The following CCDC27 variants were observed in gnomAD, a reference collection of about 807,000 sequenced individuals.
The protein encoded by CCDC27 is coiled-coil domain containing 27, also known as coiled-coil domain-containing protein 27.
A neutral mutation model predicts 80.3 loss-of-function variants in CCDC27; 80 were observed. That is an observed-to-expected ratio of 1.00 (90% CI 0.83 to 1.20). CCDC27 has a LOEUF of 1.20. CCDC27 is among the 50% of genes most tolerant of loss of function. The pLI, the probability that CCDC27 is intolerant of heterozygous loss-of-function variation, is 0.00. For synonymous variants in CCDC27, 342 were observed against 334.3 expected, an observed-to-expected ratio of 1.02 and a Z score of -0.25; for missense variants, 815 against 809.4, an observed-to-expected ratio of 1.01 and a Z score of -0.08.
chr1:3,754,352 A>G, intron 2 of CCDC27, 111 bp downstream of exon 2: 1 of 1,327,460 alleles, frequency 7.5e-7, no homozygotes, highest in Non-Finnish European at 1.0e-6. Flanking sequence ...GTTGGCCTCC[A>G]CAGTGGCCCC....
At chr1:3,770,059 C>T (rs1365354912) in intron 11 of CCDC27, among the ~76,000 whole-genome samples, 172 bp downstream of exon 11, 1 of 152,118 alleles carries the variant, frequency 6.6e-6, no homozygotes, top group Admixed American at 6.5e-5. Context: ...CAGAGGGGAT[C>T]AAATCATCCT....
At position 3,768,284 on chromosome 1, in the gene CCDC27, A is replaced by G. The variant is rs1470395468; in HGVS notation, c.1743+839A>G. ...GGCCAATTTTAAAAGCTTTTTGTAG[A>G]GACGGTCTCACTATGCTGTCCAGGC... is the stretch of plus-strand genomic sequence containing the variant. On this transcript the variant is annotated intron_variant, in intron 10 of 11. Transcript: ENST00000294600. The surrounding 1 kb of genome is among the most constrained non-coding windows in gnomAD (Gnocchi z 5.6). Among the ~76,000 whole-genome samples, 2 of 151,838 alleles carry G rather than the reference A, an allele frequency of 1.3e-5. No homozygotes were observed. Among genetic ancestry groups the G allele is most frequent in the Non-Finnish European group, 2.9e-5 (2 of 67,960 alleles).
intron 8 of CCDC27, among the ~76,000 whole-genome samples, chr1:3,765,190 T>C (rs1456135988): frequency 1.3e-5 from 2 of 152,222 alleles, no homozygotes; most frequent in Non-Finnish European, 2.9e-5. Flanking sequence ...CCTTCCTCTG[T>C]TGTCTTCCAG....
At position 3,763,462 on chromosome 1, in the gene CCDC27, T is replaced by G; in HGVS notation, c.1309T>G (p.Ser437Ala). The G allele has an allele frequency of 6.2e-7, 1 of 1,602,496 alleles. No individual in the cohort carries two copies. Among genetic ancestry groups the G allele is most frequent in the South Asian group, 1.1e-5 (1 of 89,636 alleles). Reference sequence around the variant, plus strand: ...CCTGGAGGCCACCAGGACCAGATACTCCCTTGCAACAGGTAGGGCCTCGGC... The same window carrying G: ...CCTGGAGGCCACCAGGACCAGATACGCCCTTGCAACAGGTAGGGCCTCGGC... Reference protein sequence around the residue: ...FNLEATRTRYSLATGVIASLQ... With the variant: ...FNLEATRTRYALATGVIASLQ... Residue 437 changes from serine to alanine, a missense_variant, in exon 7 of 12, where the codon TCC becomes GCC. Ser to Ala is a moderately conservative substitution (Grantham distance 99). Transcript: ENST00000294600. The surrounding 1 kb of genome is among the most constrained non-coding windows in gnomAD (Gnocchi z 7.5).
In CCDC27 at chr1:3,761,657, G is replaced by T. The variant is rs1181882; in HGVS notation, c.861+227G>T. ...GAGAGCCATGAGCTGATGCAACAGG[G>T]GGGGGAGAGATGAATGGAGGCGCAA... On this transcript the variant is annotated intron_variant, in intron 5 of 11. Transcript: ENST00000294600. The surrounding 1 kb of genome is among the most constrained non-coding windows in gnomAD (Gnocchi z 5.0). Among the ~76,000 whole-genome samples the T allele has an allele frequency of 1.6e-4, 24 of 152,102 alleles. No homozygotes were observed. Among genetic ancestry groups the T allele is most frequent in the East Asian group, 9.7e-4 (5 of 5,174 alleles).
rs1020642719 is a variant in CCDC27 at position 3,758,906 on chromosome 1, G to A, written c.711+2016G>A. 3.3e-5 allele frequency among the ~76,000 whole-genome samples: 5 copies of A among 152,234 alleles called. 1 individual carries two copies. Among genetic ancestry groups the A allele is most frequent in the Middle Eastern group, 3.4e-3 (1 of 294 alleles). On this transcript the variant is annotated intron_variant, in intron 4 of 11. Coordinates refer to ENST00000294600, the MANE Select transcript of CCDC27 (RefSeq NM_152492.3). ...ACCACTGTACTGGGCCCCTACAGGA[G>A]CAGTTTTAAAAATCACAAATTAGGC...
rs1643359417 is a variant in CCDC27, at chr1:3,771,393, T to C, written c.1849-8T>C. ...AAGGCCACCTCGACGGCTGTGTTTC[T>C]TGTGTAGAGAATTATCTCAGAGAGA... On this transcript the variant is annotated splice_polypyrimidine_tract_variant and splice_region_variant and intron_variant, in intron 11 of 11. Coordinates refer to ENST00000294600, the MANE Select transcript of CCDC27 (RefSeq NM_152492.3). 1.2e-6 allele frequency: 2 copies of C among 1,613,884 alleles called. No individual in the cohort carries two copies. Among genetic ancestry groups the C allele is most frequent in the East Asian group, 4.5e-5 (2 of 44,870 alleles).
At chr1:3,762,517 CCAGACA>C (rs1377538400) in intron 5 of CCDC27, 97 bp from the exon 6 acceptor site, 1 of 906,110 alleles carries the variant, frequency 1.1e-6, no homozygotes, top group East Asian at 2.7e-5. Context: ...GGTCCCCTCC[CCAGACA>C]TGAGAGGCCG....
rs1642970159 is a variant in CCDC27, at chr1:3,756,880, T to C, written c.701T>C (p.Ile234Thr). ...RKRMPWYLSV[I>T]HEKDHCLSEL... ...AGGATGCCCTGGTACCTCTCAGTCA[T>C]CCACGAGAAGGTACTGGCGGAGGGG... The change falls in exon 4 of 12, where the codon ATC becomes ACC. Residue 234 changes from isoleucine to threonine, a missense_variant. Coordinates refer to ENST00000294600, the MANE Select transcript of CCDC27 (RefSeq NM_152492.3). 1.9e-6 allele frequency: 3 copies of C among 1,612,398 alleles called. No homozygotes were observed. Among genetic ancestry groups the C allele is most frequent in the South Asian group, 1.1e-5 (1 of 90,942 alleles).
chr1:3,770,775 G>A (rs183283336), intron 11 of CCDC27, among the ~76,000 whole-genome samples: 47 of 152,194 alleles, frequency 3.1e-4, no homozygotes, highest in African/African-American at 7.2e-4. Context: ...AGGTCTCTGC[G>A]GCCTTGGTAC....
intron 8 of CCDC27, among the ~76,000 whole-genome samples, chr1:3,765,026 A>G (rs1209214202): frequency 8.4e-6 from 1 of 119,728 alleles, no homozygotes; most frequent in Non-Finnish European, 1.7e-5. Flanking sequence ...CAAGAGCAAA[A>G]CTCCATCTCA....
chr1:3,762,607 G>A lies in CCDC27; in HGVS notation c.862-13G>A, dbSNP rs1213847769. ...GGGGCTGGAAAGCTGAGGGTCCCAC[G>A]GGCGTCTTGCAGGAGCAGCTCTCAG... On this transcript the variant is annotated splice_polypyrimidine_tract_variant and intron_variant, in intron 5 of 11. Transcript: ENST00000294600. The A allele has an allele frequency of 3.2e-5, 50 of 1,549,606 alleles. No homozygotes were observed. The highest frequency in any genetic ancestry group is 4.3e-5 in the Non-Finnish European group (49 of 1,145,876).
chr1:3,754,082 C>A, intron 1 of CCDC27, 36 bp from the exon 2 acceptor site: 1 of 1,605,764 alleles, frequency 6.2e-7, no homozygotes, highest in Non-Finnish European at 8.5e-7. Flanking sequence ...CAGTCAGGGG[C>A]CTTCCTTGTC....
chr1:3,755,843 G>A (rs913617812), intron 3 of CCDC27: 1 of 425,768 alleles, frequency 2.3e-6, no homozygotes, highest in East Asian at 4.4e-5. Context: ...CCCAGTGGCT[G>A]ATGGGTGCAT....
intron 11 of CCDC27, among the ~76,000 whole-genome samples, chr1:3,771,182 C>T (rs1237524723): frequency 6.6e-6 from 1 of 152,160 alleles, no homozygotes; most frequent in Non-Finnish European, 1.5e-5. Context: ...ATTCCCACCA[C>T]AGAAACTGGC....
rs981497428 is a variant in CCDC27, at chr1:3,769,130, T to C, written c.1744-653T>C. On this transcript the variant is annotated intron_variant, in intron 10 of 11. Transcript: ENST00000294600. This position sits in a 1 kb window ranked among gnomAD's most constrained non-coding sequence, Gnocchi z 4.6. The stretch of plus-strand genomic sequence containing the variant: ...AACTCAAGGGGTTCCTGTCTGAGGC[T>C]CCTGGGGTGCAGATTGGAGGGGTTT... 2.0e-5 allele frequency among the ~76,000 whole-genome samples: 3 copies of C among 152,118 alleles called. No homozygotes were observed. The highest frequency in any genetic ancestry group is 1.3e-4 in the Admixed American group (2 of 15,268).
Position 3,763,015 on chromosome 1 carries a change from G to A in CCDC27, c.955-93G>A, listed in dbSNP as rs184539127. On this transcript the variant is annotated intron_variant, in intron 6 of 11. Transcript: ENST00000294600. The surrounding 1 kb of genome is among the most constrained non-coding windows in gnomAD (Gnocchi z 7.5). ...ACCCTGCAGCAGCCTGGAAGGAGGC[G>A]CCCTCCCCGGTGCCCCCGCCATGAG... 1.4e-4 allele frequency: 190 copies of A among 1,387,676 alleles called. No homozygotes were observed. The East Asian group carries it at 3.2e-3, about 24-fold the overall frequency. The allele number at this position is 1,387,676 out of a possible 1,614,324, so 86.0% of individuals were successfully genotyped here.
At chr1:3,755,096 G>T (rs1165004049) in intron 2 of CCDC27, among the ~76,000 whole-genome samples, 1 of 152,236 alleles carries the variant, frequency 6.6e-6, no homozygotes, top group East Asian at 1.9e-4. Context: ...GGGGCAATTT[G>T]TGATGGTTTA....
chr1:3,765,220 A>G (rs1472493163), intron 8 of CCDC27, among the ~76,000 whole-genome samples: 1 of 152,160 alleles, frequency 6.6e-6, no homozygotes, highest in East Asian at 1.9e-4. Flanking sequence ...TGATAAGTCC[A>G]AAGTCGTTCA....
Sources: allele counts gnomAD v4.1 joint callset (sites outside exome capture counted in the v4.1 genomes callset), GRCh38; gene constraint gnomAD v4.1.1; non-coding constraint Gnocchi (gnomAD v3.1); transcripts MANE v1.5; gene names NCBI Gene and HGNC (gene_info 2026-07-23, HGNC 2026-07-21).